The following SEC14L1 variants were observed in gnomAD, a reference collection of about 807,000 sequenced individuals.
SEC14L1 encodes the protein SEC14-like protein 1.
In SEC14L1, 48 loss-of-function variants were observed where a neutral mutation model predicts 85.3. That is an observed-to-expected ratio of 0.56 (90% CI 0.45 to 0.72). The LOEUF is 0.72. SEC14L1 is among the 30% of genes least tolerant of loss of function. SEC14L1 has a pLI of 0.00. For missense variants in SEC14L1, 682 were observed against 921.4 expected, an observed-to-expected ratio of 0.74 and a Z score of 3.36; for synonymous variants, 391 against 355.5, an observed-to-expected ratio of 1.10 and a Z score of -1.12.
chr17:77,205,322 C>T lies in SEC14L1; in HGVS notation c.1145C>T (p.Thr382Ile), dbSNP rs1419309214. 6.2e-7 allele frequency: 1 copy of T among 1,614,010 alleles called. No individual in the cohort carries two copies. Among genetic ancestry groups the T allele is most frequent in the Non-Finnish European group, 8.5e-7 (1 of 1,180,000 alleles). Reference sequence around the variant, plus strand: ...GGGCTAAGGCGATGCGAAGAGAATACAAAAGTCTTTGGTCGGCCTATCAGG... The same window carrying T: ...GGGCTAAGGCGATGCGAAGAGAATATAAAAGTCTTTGGTCGGCCTATCAGG... ...EEGLRRCEEN[T>I]KVFGRPISSW... Residue 382 changes from threonine (T) to isoleucine (I), a missense_variant, in exon 11 of 17, where the codon ACA becomes ATA. Thr to Ile is a moderately conservative substitution (Grantham distance 89). This residue lies in a region of SEC14L1 where 420 missense variants were observed against 619.5 expected (regional missense o/e 0.68). Coordinates refer to ENST00000436233, the MANE Select transcript of SEC14L1 (RefSeq NM_001143998.2).
At chr17:77,163,776 G>A (rs752591440) in intron 3 of SEC14L1, among the ~76,000 whole-genome samples, 1 of 152,154 alleles carries the variant, frequency 6.6e-6, no homozygotes, top group Non-Finnish European at 1.5e-5. Context: ...CCAGCCTTCC[G>A]TTTTTTCTTC....
intron 3 of SEC14L1, among the ~76,000 whole-genome samples, chr17:77,126,812 T>A (rs1316823640): frequency 1.3e-5 from 2 of 152,120 alleles, no homozygotes; most frequent in Non-Finnish European, 2.9e-5. Flanking sequence ...GATGGGTGGG[T>A]CAGGCAGGAG....
intron 3 of SEC14L1, among the ~76,000 whole-genome samples, chr17:77,190,347 G>A (rs187492930): frequency 6.6e-6 from 1 of 152,204 alleles, no homozygotes; most frequent in East Asian, 1.9e-4. Context: ...TCTGGGTTCT[G>A]TATTTTGTCC....
intron 3 of SEC14L1, among the ~76,000 whole-genome samples, chr17:77,187,412 C>T (rs1441163135): frequency 7.2e-5 from 11 of 151,944 alleles, no homozygotes; most frequent in Admixed American, 7.2e-4. Flanking sequence ...GAGTCTCTCT[C>T]TGCCGCCCAG....
At chr17:77,151,384 C>T (rs902926952) in intron 3 of SEC14L1, among the ~76,000 whole-genome samples, 4 of 152,120 alleles carry the variant, frequency 2.6e-5, no homozygotes, top group Non-Finnish European at 2.9e-5. Flanking sequence ...GCTTTCATCA[C>T]GTGCTCCTTT....
In SEC14L1 at chr17:77,213,336, C is replaced by T. The variant is rs147825324; in HGVS notation, c.1886C>T (p.Pro629Leu). ...SVQGSHVTRWPGFYILQWKFH... is the reference protein window; with the variant it reads ...SVQGSHVTRWLGFYILQWKFH... ...TAGGGTTCCCATGTGACCAGGTGGCCGGGCTTCTACATCCTGCAGTGGAAA... is the reference window on the plus strand; with the variant it reads ...TAGGGTTCCCATGTGACCAGGTGGCTGGGCTTCTACATCCTGCAGTGGAAA... Residue 629 changes from proline (P) to leucine (L), a missense_variant, in exon 16 of 17, where the codon CCG becomes CTG. Transcript: ENST00000436233. The surrounding 1 kb of genome is among the most constrained non-coding windows in gnomAD (Gnocchi z 7.1). The T allele has an allele frequency of 9.9e-6, 16 of 1,611,546 alleles. No homozygotes were observed. The highest frequency in any genetic ancestry group is 1.7e-5 in the Admixed American group (1 of 59,908).
intron 10 of SEC14L1, among the ~76,000 whole-genome samples, chr17:77,204,522 C>CATTTTTTTT (rs1555628453): frequency 2.4e-5 from 2 of 84,728 alleles, no homozygotes; most frequent in Non-Finnish European, 2.4e-5. Context: ...GCCCAGCCAG[C>CATTTTTTTT]TTTTTTTTTT....
At chr17:77,145,089 G>T (rs898795263) in intron 3 of SEC14L1, 1 of 58,262 alleles carries the variant, frequency 1.7e-5, no homozygotes, top group Non-Finnish European at 4.3e-5. Flanking sequence ...GTGTGTGTGT[G>T]TGTGTATGTA....
At chr17:77,191,013 G>A in intron 4 of SEC14L1, 61 bp downstream of exon 4, 2 of 1,594,452 alleles carry the variant, frequency 1.3e-6, no homozygotes, top group Non-Finnish European at 1.7e-6. Context: ...GGGCGTCCTG[G>A]TGGGAGAGGG....
At chr17:77,092,823 C>T (rs1159893431) in intron 2 of SEC14L1, among the ~76,000 whole-genome samples, 1 of 152,042 alleles carries the variant, frequency 6.6e-6, no homozygotes, top group Non-Finnish European at 1.5e-5. Flanking sequence ...TGGCACATGC[C>T]TGTAATCTCA....
intron 3 of SEC14L1, among the ~76,000 whole-genome samples, chr17:77,127,642 G>A (rs1216837949): frequency 3.9e-5 from 6 of 152,142 alleles, no homozygotes; most frequent in Non-Finnish European, 2.9e-5. Context: ...AAGCCACCAC[G>A]CCTGGCCAAG....
chr17:77,149,127 C>T (rs1973442522), intron 3 of SEC14L1, among the ~76,000 whole-genome samples: 1 of 152,194 alleles, frequency 6.6e-6, no homozygotes, highest in African/African-American at 2.4e-5. Context: ...ATTCATGTTT[C>T]TCTCCCTTCC....
At chr17:77,096,530 C>T (rs1235176209) in intron 3 of SEC14L1, among the ~76,000 whole-genome samples, 1 of 148,774 alleles carries the variant, frequency 6.7e-6, no homozygotes, top group South Asian at 2.2e-4. Flanking sequence ...ACACTCCAGC[C>T]TGGGTGACAG....
intron 1 of SEC14L1, among the ~76,000 whole-genome samples, chr17:77,142,213 TCTC>T (rs1241446726): frequency 2.6e-5 from 4 of 152,134 alleles, no homozygotes; most frequent in Non-Finnish European, 5.9e-5. Context: ...CACCATGACC[TCTC>T]CTCTGAGAGG....
chr17:77,111,737 C>A (rs1972053370), intron 3 of SEC14L1, among the ~76,000 whole-genome samples: 1 of 152,162 alleles, frequency 6.6e-6, no homozygotes, highest in Admixed American at 6.5e-5. Context: ...ATGCCTGAAC[C>A]CCCATTGTAT....
In SEC14L1 at chr17:77,206,584, C is replaced by T. The variant is rs1976474519; in HGVS notation, c.1342-144C>T. The T allele has an allele frequency of 8.3e-7, 1 of 1,198,600 alleles. No homozygotes were observed. 74.2% of individuals were successfully genotyped at this position (1,198,600 alleles called of 1,614,324 possible). On this transcript the variant is annotated intron_variant, in intron 12 of 16. Coordinates refer to ENST00000436233, the MANE Select transcript of SEC14L1 (RefSeq NM_001143998.2). The surrounding 1 kb of genome is among the most constrained non-coding windows in gnomAD (Gnocchi z 4.3). Reference sequence around the variant, plus strand: ...AAAACAAAATGTGAGTGTCCTAATGCCATGCAAATAGACTTTACAGAAGAA... The same window carrying T: ...AAAACAAAATGTGAGTGTCCTAATGTCATGCAAATAGACTTTACAGAAGAA...
chr17:77,211,632 T>C (rs1039578844), intron 14 of SEC14L1: 4 of 369,582 alleles, frequency 1.1e-5, no homozygotes, highest in African/African-American at 4.2e-5. Context: ...GAACCACTCA[T>C]GTACGAGCTC....
At chr17:77,178,618 C>T (rs374915194) in intron 3 of SEC14L1, among the ~76,000 whole-genome samples, 10 of 152,262 alleles carry the variant, frequency 6.6e-5, no homozygotes, top group South Asian at 6.2e-4. Flanking sequence ...GGTTTCGGGA[C>T]GAAACTCTTC....
Position 77,194,883 on chromosome 17 carries a change from A to T in SEC14L1, c.681A>T (p.Ala227=), listed in dbSNP as rs779278997. The stretch of plus-strand genomic sequence containing the variant: ...GTGATGCCCTCAGCAGCCCCAGCGC[A>T]CCTGAGCCCGTGGTGGGCACCCCTG... The part of the protein sequence containing the change: ...LSGDALSSPS[A]PEPVVGTPDD... Residue 227 remains alanine, a synonymous_variant, in exon 7 of 17, where the codon GCA becomes GCT. Transcript: ENST00000436233. The T allele has an allele frequency of 1.9e-6, 3 of 1,614,142 alleles. No individual in the cohort carries two copies. In the South Asian group the frequency reaches 3.3e-5, roughly 18 times the overall value.
Sources: allele counts gnomAD v4.1 joint callset (sites outside exome capture counted in the v4.1 genomes callset), GRCh38; gene constraint gnomAD v4.1.1; regional missense constraint gnomAD v4.1.1; non-coding constraint Gnocchi (gnomAD v3.1); transcripts MANE v1.5; gene names NCBI Gene and HGNC (gene_info 2026-07-23, HGNC 2026-07-21).